SLC30A10: variants seen among roughly 807,000 people sequenced by gnomAD.
SLC30A10 encodes calcium/manganese antiporter SLC30A10.
In SLC30A10, 8 loss-of-function variants were observed where a neutral mutation model predicts 21.7. That is an observed-to-expected ratio of 0.37 (90% CI 0.22 to 0.67). The LOEUF (loss-of-function observed/expected upper bound fraction) is 0.67, where lower values mean the gene tolerates loss of function less well. Ranked by LOEUF, SLC30A10 falls within the 30% of genes least tolerant of loss-of-function variation. The pLI, the probability that SLC30A10 is intolerant of heterozygous loss-of-function variation, is 0.58. For synonymous variants in SLC30A10, 272 were observed against 279.4 expected (o/e 0.97, Z 0.26); for missense variants, 521 against 642.5 (o/e 0.81, Z 2.04).
At position 219,915,349 on chromosome 1, in the gene SLC30A10, A is replaced by G; in HGVS notation, c.*100T>C. ...AGTGAACACAGAGCATGCATGCTGC[A>G]AGTCTAGTCTGGGCCTACAACCCAG... is the stretch of plus-strand genomic sequence containing the variant. On this transcript the variant is annotated 3_prime_UTR_variant, in exon 4 of 4. Transcript: ENST00000366926. 1 of 1,429,318 alleles carries G rather than the reference A, an allele frequency of 7.0e-7. No individual in the cohort carries two copies. Among genetic ancestry groups the G allele is most frequent in the South Asian group, 1.4e-5 (1 of 73,544 alleles). 88.5% of individuals were successfully genotyped at this position (1,429,318 alleles called of 1,614,324 possible).
chr1:219,945,380 T>G (rs1302871696), intron 1 of SLC30A10, among the ~76,000 whole-genome samples: 1 of 152,206 alleles, frequency 6.6e-6, no homozygotes, highest in East Asian at 1.9e-4. Context: ...TACATGAGAC[T>G]TCTATGTACT....
In SLC30A10 at chr1:219,927,896, G is replaced by T. The variant is rs1269905391; in HGVS notation, c.545C>A (p.Pro182Gln). The T allele has an allele frequency of 1.3e-6, 2 of 1,539,238 alleles. No individual in the cohort carries two copies. Among genetic ancestry groups the T allele is most frequent in the East Asian group, 2.6e-5 (1 of 38,980 alleles). The change falls in exon 1 of 4, where the codon CCG becomes CAG. Residue 182 changes from proline (P) to glutamine (Q), a missense_variant. Physicochemically the swap from Pro to Gln is moderately conservative, Grantham distance 76. Coordinates refer to ENST00000366926, the MANE Select transcript of SLC30A10 (RefSeq NM_018713.3). Reference protein sequence around the residue: ...GAEDPRRAADPTAPGSDSAVT... With the variant: ...GAEDPRRAADQTAPGSDSAVT... ...GGCCGAGTCCGAGCCTGGGGCTGTC[G>T]GGTCCGCCGCGCGCCGCGGGTCCTC... is the stretch of plus-strand genomic sequence containing the variant.
At chr1:219,940,256 G>A (rs180940822) in intron 1 of SLC30A10, among the ~76,000 whole-genome samples, 246 of 152,320 alleles carry the variant, frequency 1.6e-3, no homozygotes, top group Non-Finnish European at 2.2e-3. Flanking sequence ...GAGCAGTCAC[G>A]TGTAGGTGGT....
At chr1:219,949,800 G>T (rs1346153084) in intron 1 of SLC30A10, among the ~76,000 whole-genome samples, 1 of 151,852 alleles carries the variant, frequency 6.6e-6, no homozygotes, top group South Asian at 2.1e-4. Flanking sequence ...AGAAAAATTG[G>T]TGTATTTCAT....
At chr1:219,927,235 C>T (rs1571801015) in intron 1 of SLC30A10, 130 bp from the exon 2 acceptor site, 4 of 875,934 alleles carry the variant, frequency 4.6e-6, no homozygotes, top group East Asian at 5.4e-5. Context: ...TCTGCACACC[C>T]ACAGCTCAGA....
chr1:219,917,708 C>CTTTTT (rs35106027), intron 3 of SLC30A10, among the ~76,000 whole-genome samples: 8,712 of 103,766 alleles, frequency 0.084, 476 homozygotes, highest in African/African-American at 0.15. Flanking sequence ...TTTTTCTTTC[C>CTTTTT]TTTTTTTTTT....
intron 1 of SLC30A10, among the ~76,000 whole-genome samples, chr1:219,952,931 C>G (rs571020906): frequency 6.6e-6 from 1 of 152,262 alleles, no homozygotes; most frequent in East Asian, 1.9e-4. Context: ...CGTAACTAAT[C>G]CAGACCCCTT....
In SLC30A10 at chr1:219,912,869, T is replaced by C. The variant is rs553329020; in HGVS notation, c.*2580A>G. ...ACAAACAAACCAAAAAAAAATTATG[T>C]CAGTTCTTTAAAAAAAGGCGGGGAG... is the stretch of plus-strand genomic sequence containing the variant. On this transcript the variant is annotated 3_prime_UTR_variant, in exon 4 of 4. Transcript: ENST00000366926. Among the ~76,000 whole-genome samples, 76 of 151,688 alleles carry C rather than the reference T, an allele frequency of 5.0e-4. No homozygotes were observed. Among genetic ancestry groups the C allele is most frequent in the Non-Finnish European group, 8.8e-4 (60 of 67,914 alleles).
chr1:219,931,245 A>G (rs1434813611), upstream of SLC30A10, among the ~76,000 whole-genome samples: 2 of 152,188 alleles, frequency 1.3e-5, no homozygotes, highest in African/African-American at 2.4e-5. Flanking sequence ...GGCAGATAAG[A>G]ATTGTGTCAC....
chr1:219,957,994 TC>T (rs1311457023), intron 1 of SLC30A10, among the ~76,000 whole-genome samples: 1 of 152,314 alleles, frequency 6.6e-6, no homozygotes, highest in South Asian at 2.1e-4. Flanking sequence ...AATTTTCCTT[TC>T]AAAAACTAGC....
rs1558254288 is a variant in SLC30A10 at position 219,927,719 on chromosome 1, A to T, written c.640+82T>A. Reference sequence around the variant, plus strand: ...GAAAAAAAGCATGCAGAAGAAAAAGAGGGCGTGGGGTGAGAAGAAAGGGAC... The same window carrying T: ...GAAAAAAAGCATGCAGAAGAAAAAGTGGGCGTGGGGTGAGAAGAAAGGGAC... On this transcript the variant is annotated intron_variant, in intron 1 of 3. Coordinates refer to ENST00000366926, the MANE Select transcript of SLC30A10 (RefSeq NM_018713.3). 3.3e-6 allele frequency: 4 copies of T among 1,195,972 alleles called. No individual in the cohort carries two copies. The Admixed American group carries it at 1.2e-4, about 37-fold the overall frequency. The allele number at this position is 1,195,972 out of a possible 1,614,324, so 74.1% of individuals were successfully genotyped here. A position where few individuals can be genotyped will look rare whatever the true frequency, so the allele number is the denominator to read the frequency against.
In SLC30A10 at chr1:219,937,414, T is replaced by C. The variant is rs191144136; in HGVS notation, n.81-10309A>G. Among the ~76,000 whole-genome samples, 195 of 152,368 alleles carry C rather than the reference T, an allele frequency of 1.3e-3. 3 individuals are homozygous for C. Among genetic ancestry groups the C allele is most frequent in the Admixed American group, 0.012 (181 of 15,302 alleles). ...CTATTATATCTTCGAATTTCTTTCA[T>C]GGGGCACTTGTCTGCTTTCTACATC... is the stretch of plus-strand genomic sequence containing the variant. On this transcript the variant is annotated intron_variant and non_coding_transcript_variant, in intron 1 of 8. Coordinates refer to the SLC30A10 transcript ENST00000484239.
chr1:219,959,032 C>T (rs1239574820), upstream of SLC30A10, among the ~76,000 whole-genome samples: 1 of 152,170 alleles, frequency 6.6e-6, no homozygotes, highest in Non-Finnish European at 1.5e-5. Flanking sequence ...GTCTCGGTGC[C>T]CTGGCAGTTC....
intron 1 of SLC30A10, among the ~76,000 whole-genome samples, chr1:219,949,141 A>G (rs970932552): frequency 6.6e-6 from 1 of 152,178 alleles, no homozygotes; most frequent in Non-Finnish European, 1.5e-5. Context: ...AGATAGGAAC[A>G]CTTTTACACT....
intron 1 of SLC30A10, among the ~76,000 whole-genome samples, chr1:219,938,078 T>C (rs756645652): frequency 2.6e-5 from 4 of 152,244 alleles, no homozygotes; most frequent in Non-Finnish European, 5.9e-5. Flanking sequence ...TTTTAACTTT[T>C]TCTTTGTAGT....
chr1:219,922,203 TTTTTTTTTTTTTTTTTTTTTTTTTTTTTG>T (rs1659711379), intron 2 of SLC30A10, among the ~76,000 whole-genome samples: 2 of 62,384 alleles, frequency 3.2e-5, no homozygotes, highest in African/African-American at 1.1e-4. Flanking sequence ...TTTTTTTTTT[TTTTTTTTTTTTTTTTTTTTTTTTTTTTTG>T]CAGAGACAGG....
At chr1:219,929,550 C>T (rs1260991702), upstream of SLC30A10, among the ~76,000 whole-genome samples, 1 of 150,122 alleles carries the variant, frequency 6.7e-6, no homozygotes. Flanking sequence ...GACAGAGTTT[C>T]GTTGTTGTTG....
At chr1:219,935,046 C>T (rs958161471) in intron 1 of SLC30A10, among the ~76,000 whole-genome samples, 1 of 152,162 alleles carries the variant, frequency 6.6e-6, no homozygotes, top group Non-Finnish European at 1.5e-5. Context: ...AGTTCATCAT[C>T]ATTTACTGAT....
At chr1:219,951,053 C>T (rs1660261310) in intron 1 of SLC30A10, among the ~76,000 whole-genome samples, 1 of 152,180 alleles carries the variant, frequency 6.6e-6, no homozygotes, top group African/African-American at 2.4e-5. Flanking sequence ...CATCTGTCCT[C>T]AGGCTCAGGT....
Sources: gnomAD v4.1 joint callset for allele counts (sites outside exome capture counted in the v4.1 genomes callset) on GRCh38, gnomAD v4.1.1 for gene constraint, MANE v1.5 for transcripts, NCBI Gene and HGNC (gene_info 2026-07-23, HGNC 2026-07-21) for gene names.